Variants in RTEL1 observed in about 807,000 individuals in gnomAD.
RTEL1 encodes regulator of telomere elongation helicase 1.
RTEL1 carries 86 observed loss-of-function variants against 162.2 expected under a neutral mutation model. That is an observed-to-expected ratio of 0.53 (90% CI 0.45 to 0.63). The LOEUF (loss-of-function observed/expected upper bound fraction) is 0.63. RTEL1 is among the 30% of genes least tolerant of loss of function. The pLI is 0.00. For synonymous variants in RTEL1, 958 were observed against 717.9 expected (o/e 1.33, Z -5.35); for missense variants, 1,941 against 1,750.2 (o/e 1.11, Z -1.95).
rs763232595 is a variant in RTEL1 at position 63,693,155 on chromosome 20, T to A, written c.2864T>A (p.Phe955Tyr). 3 of 1,612,192 alleles carry A rather than the reference T, an allele frequency of 1.9e-6. No homozygotes were observed. The South Asian group carries it at 3.3e-5, about 18-fold the overall frequency. The change falls in exon 30 of 35, where the codon TTT becomes TAT. Residue 955 changes from phenylalanine (F) to tyrosine (Y), a missense_variant. Phe to Tyr is a conservative substitution (Grantham distance 22). Transcript: ENST00000360203. ...KHNLLQGFYQFVRPHHKQQFE... is the reference protein window; with the variant it reads ...KHNLLQGFYQYVRPHHKQQFE... ...CCTTCCTCTACAGGCTTCTACCAGT[T>A]TGTGCGGCCCCACCATAAGCAGCAG...
intron 10 of RTEL1, among the ~76,000 whole-genome samples, chr20:63,676,738 T>C (rs541574932): frequency 8.5e-5 from 13 of 152,054 alleles, no homozygotes; most frequent in African/African-American, 3.1e-4. Context: ...ATTGAGACCA[T>C]CCTGGCCAAC....
At position 63,661,555 on chromosome 20, in the gene RTEL1, C is replaced by T. The variant is rs2090021057; in HGVS notation, c.301+59C>T. On this transcript the variant is annotated intron_variant, in intron 3 of 34. Transcript: ENST00000360203. The surrounding 1 kb of genome is among the most constrained non-coding windows in gnomAD (Gnocchi z 5.1). ...TGTGGGGATGGTTGGCAAGGGATGG[C>T]GCTGAGGGTGGGGTGGGCCCATGGG... 12 of 1,531,398 alleles carry T rather than the reference C, an allele frequency of 7.8e-6. No individual in the cohort carries two copies. Among genetic ancestry groups the T allele is most frequent in the Non-Finnish European group, 1.1e-5 (12 of 1,132,066 alleles). 94.9% of individuals were successfully genotyped at this position (1,531,398 alleles called of 1,614,324 possible).
In RTEL1 at chr20:63,693,264, G is replaced by C. The variant is rs748092893; in HGVS notation, c.2973G>C (p.Gln991His). ...GCATTCCCCGAAGGCAGCGGGCACA[G>C]CCGGTCCTGGACCCCACTGGTAAAT... ...EHSIPRRQRA[Q>H]PVLDPTGRTA... The change falls in exon 30 of 35, where the codon CAG becomes CAC. Residue 991 changes from glutamine to histidine, a missense_variant. Coordinates refer to ENST00000360203, the MANE Select transcript of RTEL1 (RefSeq NM_001283009.2). 1.2e-6 allele frequency: 2 copies of C among 1,611,884 alleles called. No homozygotes were observed. The highest frequency in any genetic ancestry group is 3.3e-5 in the Admixed American group (2 of 59,964).
rs2090013660 is a variant in RTEL1, at chr20:63,661,218, C to T, written c.103-80C>T. 14 of 1,368,460 alleles carry T rather than the reference C, an allele frequency of 1.0e-5. No individual in the cohort carries two copies. The East Asian group carries it at 3.1e-4, about 30-fold the overall frequency. The allele number at this position is 1,368,460 out of a possible 1,614,324, so 84.8% of individuals were successfully genotyped here. ...TCTGCAAAGAGCTGCCCGCTGGCTGCCGAAGCTTGTCTCAGGGCAGCTTGT... is the reference window on the plus strand; with the variant it reads ...TCTGCAAAGAGCTGCCCGCTGGCTGTCGAAGCTTGTCTCAGGGCAGCTTGT... On this transcript the variant is annotated intron_variant, in intron 2 of 34. Transcript: ENST00000360203. The surrounding 1 kb of genome is among the most constrained non-coding windows in gnomAD (Gnocchi z 5.1).
At chr20:63,685,682 G>A in intron 15 of RTEL1, 85 bp downstream of exon 15, 1 of 1,585,096 alleles carries the variant, frequency 6.3e-7, no homozygotes, top group East Asian at 2.3e-5. Flanking sequence ...TAAGGTGGGG[G>A]CCACCTCCAG....
chr20:63,689,976 G>T, intron 24 of RTEL1, 111 bp downstream of exon 24: 1 of 1,554,594 alleles, frequency 6.4e-7, no homozygotes. Context: ...AGCCTCTCCG[G>T]CTACTCGGGG....
At chr20:63,681,363 C>G (rs2146222482) in intron 14 of RTEL1, 1 of 985,334 alleles carries the variant, frequency 1.0e-6, no homozygotes, top group Non-Finnish European at 1.2e-6. Context: ...GCCTCGGTGG[C>G]TTTTTTAGAA....
In RTEL1 at chr20:63,696,042, CTGAG is replaced by C. The variant is rs2090972314; in HGVS notation, c.*185_*188del. On this transcript the variant is annotated 3_prime_UTR_variant, in exon 35 of 35. Coordinates refer to ENST00000360203, the MANE Select transcript of RTEL1 (RefSeq NM_001283009.2). ...GGTGGGACCGGATCTGGGCCTGCCT[CTGAG>C]AAGCCCTGAGCTACCTTGGGGTCTG... 1 of 608,166 alleles carries C rather than the reference CTGAG, an allele frequency of 1.6e-6. No homozygotes were observed. Among genetic ancestry groups the C allele is most frequent in the African/African-American group, 1.9e-5 (1 of 53,720 alleles). The allele number at this position is 608,166 out of a possible 1,614,324, so 37.7% of individuals were successfully genotyped here.
At position 63,696,137 on chromosome 20, in the gene RTEL1, AGG is replaced by A. The variant is rs2090974929; in HGVS notation, c.*282_*283del. On this transcript the variant is annotated 3_prime_UTR_variant, in exon 35 of 35. Coordinates refer to ENST00000360203, the MANE Select transcript of RTEL1 (RefSeq NM_001283009.2). ...GCTCCTGGCCTGTGAGTGGTGCCAC[AGG>A]GGCACCCCAGCTGAGCCCCTCACCG... 1 of 513,962 alleles carries A rather than the reference AGG, an allele frequency of 1.9e-6. No individual in the cohort carries two copies. Among genetic ancestry groups the A allele is most frequent in the African/African-American group, 1.9e-5 (1 of 51,496 alleles). The allele number at this position is 513,962 out of a possible 1,614,324, so 31.8% of individuals were successfully genotyped here.
chr20:63,688,497 G>T (rs771974196), intron 20 of RTEL1, 31 bp from the exon 21 acceptor site: 1 of 1,607,066 alleles, frequency 6.2e-7, no homozygotes, highest in Admixed American at 1.7e-5. Context: ...CGTGACCAGG[G>T]CTGCCGTGTC....
In RTEL1 at chr20:63,679,812, C is replaced by T. The variant is rs892801134; in HGVS notation, c.1038-37C>T. On this transcript the variant is annotated intron_variant, in intron 12 of 34. Coordinates refer to ENST00000360203, the MANE Select transcript of RTEL1 (RefSeq NM_001283009.2). ...GTTCCCAAAGCTGCAGTCTGGTCCC[C>T]CCGCCAGGCTCGAGCCTGCCTTCTT... is the stretch of plus-strand genomic sequence containing the variant. 6 of 1,538,852 alleles carry T rather than the reference C, an allele frequency of 3.9e-6. No individual in the cohort carries two copies. In the African/African-American group the frequency reaches 5.4e-5, roughly 14 times the overall value.
chr20:63,675,197 G>A (rs1005088424), intron 10 of RTEL1, among the ~76,000 whole-genome samples: 4 of 152,206 alleles, frequency 2.6e-5, no homozygotes, highest in East Asian at 3.8e-4. Flanking sequence ...GAGCCGCCAC[G>A]CCCGGCCTTT....
Position 63,694,453 on chromosome 20 carries a change from G to A in RTEL1, c.3074G>A (p.Gly1025Asp). Reference protein sequence around the residue: ...QLDPQEHLNQGRPHLSPRPPP... With the variant: ...QLDPQEHLNQDRPHLSPRPPP... ...GACCCCCAAGAGCACCTGAACCAGG[G>A]CAGGCCCCACCTGTCGCCCAGGCCA... Residue 1025 changes from glycine (G) to aspartate (D), a missense_variant, in exon 31 of 35, where the codon GGC becomes GAC. Transcript: ENST00000360203. The A allele has an allele frequency of 6.2e-7, 1 of 1,609,074 alleles. No homozygotes were observed. Among genetic ancestry groups the A allele is most frequent in the Non-Finnish European group, 8.5e-7 (1 of 1,176,966 alleles).
At chr20:63,673,286 C>G (rs2090282884) in intron 9 of RTEL1, among the ~76,000 whole-genome samples, 1 of 151,632 alleles carries the variant, frequency 6.6e-6, no homozygotes, top group Admixed American at 6.6e-5. Context: ...CCCAGCTACT[C>G]AGGAGGCTGA....
At chr20:63,693,870 C>T (rs1321886063) in intron 30 of RTEL1, among the ~76,000 whole-genome samples, 3 of 149,404 alleles carry the variant, frequency 2.0e-5, no homozygotes, top group Admixed American at 6.7e-5. Flanking sequence ...AACTGCCACA[C>T]GTCCCCTGCC....
At position 63,692,991 on chromosome 20, in the gene RTEL1, A is replaced by C. The variant is rs1481319796; in HGVS notation, c.2839A>C (p.Asn947His). 1 of 1,612,584 alleles carries C rather than the reference A, an allele frequency of 6.2e-7. No homozygotes were observed. Among genetic ancestry groups the C allele is most frequent in the Admixed American group, 1.7e-5 (1 of 60,008 alleles). ...PLFAEDPKKH[N>H]LLQGFYQFVR... Reference sequence around the variant, plus strand: ...CTTTGCTGAGGACCCCAAGAAGCACAACCTGCTCCAAGGTGCCCTGGCTTG... The same window carrying C: ...CTTTGCTGAGGACCCCAAGAAGCACCACCTGCTCCAAGGTGCCCTGGCTTG... The change falls in exon 29 of 35, where the codon AAC becomes CAC. Residue 947 changes from asparagine (N) to histidine (H), a missense_variant. Physicochemically the swap from Asn to His is moderately conservative, Grantham distance 68 (BLOSUM62 1). Coordinates refer to ENST00000360203, the MANE Select transcript of RTEL1 (RefSeq NM_001283009.2).
chr20:63,687,663 C>T lies in RTEL1; in HGVS notation c.1374C>T (p.Phe458=), dbSNP rs1392636986. 1 of 1,609,348 alleles carries T rather than the reference C, an allele frequency of 6.2e-7. No homozygotes were observed. Among genetic ancestry groups the T allele is most frequent in the Non-Finnish European group, 8.5e-7 (1 of 1,179,432 alleles). ...KRGKVLSYWC[F]SPGHSMHELV... ...GGAAGGTGCTGAGCTACTGGTGCTT[C>T]AGTCCCGGCCACAGCATGCACGAGC... Residue 458 remains phenylalanine, a synonymous_variant, in exon 17 of 35, where the codon TTC becomes TTT. Transcript: ENST00000360203.
rs1194320122 is a variant in RTEL1 at position 63,672,595 on chromosome 20, G to A, written c.739G>A (p.Val247Met). 3.2e-6 allele frequency: 5 copies of A among 1,587,294 alleles called. No individual in the cohort carries two copies. The highest frequency in any genetic ancestry group is 2.3e-5 in the East Asian group (1 of 44,248). The change falls in exon 9 of 35, where the codon GTG becomes ATG. Residue 247 changes from valine to methionine, a missense_variant. Physicochemically the swap from Val to Met is conservative, Grantham distance 21. Transcript: ENST00000360203. ...AHNIDLKGTVVIFDEAHNVEK... is the reference protein window; with the variant it reads ...AHNIDLKGTVMIFDEAHNVEK... ...CAACATTGACCTGAAGGGGACAGTC[G>A]TGATCTTTGACGAAGCTCACAACGT...
intron 14 of RTEL1, chr20:63,681,902 C>T (rs931563615): frequency 4.1e-6 from 4 of 985,452 alleles, no homozygotes; most frequent in Non-Finnish European, 4.8e-6. Context: ...TCTGTGGCTC[C>T]TGCCTGCCAA....
Sources: gnomAD v4.1 joint callset for allele counts (sites outside exome capture counted in the v4.1 genomes callset) on GRCh38, gnomAD v4.1.1 for gene constraint, Gnocchi (gnomAD v3.1) non-coding constraint, MANE v1.5 for transcripts, NCBI Gene and HGNC (gene_info 2026-07-23, HGNC 2026-07-21) for gene names.